Variants in AAMP observed in about 807,000 individuals in gnomAD.
AAMP encodes the protein angio-associated migratory cell protein.
Under a neutral mutation model 51.1 loss-of-function variants are expected in AAMP, and 12 were observed. The ratio of observed to expected loss-of-function variants is 0.23; its 90% CI spans 0.15 to 0.38. The LOEUF is 0.38. Among genes scored for constraint, AAMP ranks in the 10% least tolerant of loss-of-function variants. The pLI, the probability that AAMP is intolerant of heterozygous loss-of-function variation, is 1.00. For missense variants in AAMP, 418 were observed against 557.2 expected (o/e 0.75, Z 2.52); for synonymous variants, 210 against 218.7 (o/e 0.96, Z 0.35).
Position 218,266,758 on chromosome 2 carries a change from G to A in AAMP, c.534+89C>T, listed in dbSNP as rs918124524. ...GGGCGCATTGGCTCAGAGCTGGCTT[G>A]GCGCAATAAAGGCAGAACTGGCCTC... is the stretch of plus-strand genomic sequence containing the variant. On this transcript the variant is annotated intron_variant, in intron 4 of 10. Transcript: ENST00000248450. This position sits in a 1 kb window ranked among gnomAD's most constrained non-coding sequence, Gnocchi z 4.7. The A allele has an allele frequency of 5.7e-6, 9 of 1,585,136 alleles. No individual in the cohort carries two copies. Among genetic ancestry groups the A allele is most frequent in the Admixed American group, 1.7e-5 (1 of 58,594 alleles).
chr2:218,266,631 C>A lies in AAMP; in HGVS notation c.535-44G>T. The A allele has an allele frequency of 6.3e-7, 1 of 1,590,614 alleles. No individual in the cohort carries two copies. Among genetic ancestry groups the A allele is most frequent in the Middle Eastern group, 1.7e-4 (1 of 5,806 alleles). On this transcript the variant is annotated intron_variant, in intron 4 of 10. Coordinates refer to ENST00000248450, the MANE Select transcript of AAMP (RefSeq NM_001087.5). This position sits in a 1 kb window ranked among gnomAD's most constrained non-coding sequence, Gnocchi z 4.7. Reference sequence around the variant, plus strand: ...GCAGCAGGGAGGCCCGTCACCCCATCCCACCTAGAAGCCTGCCCCATGAGC... The same window carrying A: ...GCAGCAGGGAGGCCCGTCACCCCATACCACCTAGAAGCCTGCCCCATGAGC...
chr2:218,269,742 G>A, intron 1 of AAMP: 1 of 1,012,772 alleles, frequency 9.9e-7, no homozygotes, highest in East Asian at 2.6e-5. Flanking sequence ...CCAAGGGGAT[G>A]ATGGGAAGGG....
At position 218,264,211 on chromosome 2, in the gene AAMP, G is replaced by T; in HGVS notation, c.*322C>A. ...TTTCCACCCCCAGAGACTTGGGAAG[G>T]GAAAGAACGGGAACCTCAAACACCT... On this transcript the variant is annotated 3_prime_UTR_variant, in exon 11 of 11. Transcript: ENST00000248450. The T allele has an allele frequency of 2.5e-6, 1 of 392,604 alleles. No individual in the cohort carries two copies. Among genetic ancestry groups the T allele is most frequent in the Non-Finnish European group, 4.6e-6 (1 of 217,036 alleles). The allele number at this position is 392,604 out of a possible 1,614,324, so 24.3% of individuals were successfully genotyped here.
Position 218,265,361 on chromosome 2 carries a change from C to G in AAMP, c.1074+10G>C, listed in dbSNP as rs202084954. 2 of 1,552,774 alleles carry G rather than the reference C, an allele frequency of 1.3e-6. No homozygotes were observed. The highest frequency in any genetic ancestry group is 1.2e-5 in the South Asian group (1 of 84,762). ...CAGCCCACAGGGACCCCAGCTCCAG[C>G]TGCCCATACCTGGTGCTGACACTGA... is the stretch of plus-strand genomic sequence containing the variant. On this transcript the variant is annotated intron_variant, in intron 9 of 10. Transcript: ENST00000248450. This position sits in a 1 kb window ranked among gnomAD's most constrained non-coding sequence, Gnocchi z 6.6.
intron 2 of AAMP, among the ~76,000 whole-genome samples, chr2:218,268,888 G>A (rs1198590780): frequency 2.0e-5 from 3 of 151,806 alleles, no homozygotes; most frequent in Non-Finnish European, 4.4e-5. Context: ...TAGTAGAGAC[G>A]GGGTTTCACC....
chr2:218,269,820 G>A, intron 1 of AAMP, 146 bp downstream of exon 1: 1 of 1,318,270 alleles, frequency 7.6e-7, no homozygotes, highest in East Asian at 2.3e-5. Flanking sequence ...TGAGAACTAA[G>A]TGTGAGGGTG....
chr2:218,269,507 A>G lies in AAMP; in HGVS notation c.149T>C (p.Val50Ala). The change falls in exon 2 of 11, where the codon GTG becomes GCG. Residue 50 changes from valine (V) to alanine (A), a missense_variant. By Grantham distance (64) the Val-to-Ala change is moderately conservative. Transcript: ENST00000248450. Reference protein sequence around the residue: ...PDDLAQEMEDVDFEEEEEEEG... With the variant: ...PDDLAQEMEDADFEEEEEEEG... ...TTCCTCCTCTTCTTCCTCAAAGTCC[A>G]CATCTTCCATCTCCTGGGCCAGGTC... 6.2e-7 allele frequency: 1 copy of G among 1,613,944 alleles called. No homozygotes were observed. The highest frequency in any genetic ancestry group is 8.5e-7 in the Non-Finnish European group (1 of 1,179,982).
Position 218,264,590 on chromosome 2 carries a change from C to T in AAMP, c.1248G>A (p.Val416=). 6.2e-7 allele frequency: 1 copy of T among 1,614,106 alleles called. No homozygotes were observed. ...TCGCTTTGTGGTCTCCTGACGTGGT[C>T]ACCACCAGGGAGGCATCTCTGTAAA... The part of the protein sequence containing the change: ...FALSKDASLV[V]TTSGDHKAKV... The change falls in exon 11 of 11, where the codon GTG becomes GTA. Residue 416 remains valine, a synonymous_variant. Coordinates refer to ENST00000248450, the MANE Select transcript of AAMP (RefSeq NM_001087.5).
Position 218,267,486 on chromosome 2 carries a change from C to A in AAMP, c.394+8G>T. On this transcript the variant is annotated splice_region_variant and intron_variant, in intron 3 of 10. Transcript: ENST00000248450. This position sits in a 1 kb window ranked among gnomAD's most constrained non-coding sequence, Gnocchi z 4.6. ...ACCTCTCCCAGGCCTCTACCCCAGC[C>A]CCCTCACCTGCACACTCAAAGAGCA... The A allele has an allele frequency of 6.2e-7, 1 of 1,614,138 alleles. No homozygotes were observed. Among genetic ancestry groups the A allele is most frequent in the Non-Finnish European group, 8.5e-7 (1 of 1,180,012 alleles).
chr2:218,266,473 G>C lies in AAMP; in HGVS notation c.649C>G (p.Pro217Ala). ...DCKTFQGPNCPATCGRVLPDG... is the reference protein window; with the variant it reads ...DCKTFQGPNCAATCGRVLPDG... The stretch of plus-strand genomic sequence containing the variant: ...GGGAGGACTCGGCCACAGGTGGCTG[G>C]GCAGTTGGGACCCTGGAAGGTCTTG... Residue 217 changes from proline to alanine, a missense_variant, in exon 5 of 11, where the codon CCA (proline) becomes GCA (alanine). Transcript: ENST00000248450. This position sits in a 1 kb window ranked among gnomAD's most constrained non-coding sequence, Gnocchi z 4.7. 1 of 1,614,108 alleles carries C rather than the reference G, an allele frequency of 6.2e-7. No individual in the cohort carries two copies. The highest frequency in any genetic ancestry group is 2.2e-5 in the East Asian group (1 of 44,884).
Position 218,265,521 on chromosome 2 carries a change from C to T in AAMP, c.983+58G>A. 4 of 1,583,328 alleles carry T rather than the reference C, an allele frequency of 2.5e-6. No individual in the cohort carries two copies. Among genetic ancestry groups the T allele is most frequent in the Non-Finnish European group, 3.5e-6 (4 of 1,153,350 alleles). On this transcript the variant is annotated intron_variant, in intron 8 of 10. Coordinates refer to ENST00000248450, the MANE Select transcript of AAMP (RefSeq NM_001087.5). This position sits in a 1 kb window ranked among gnomAD's most constrained non-coding sequence, Gnocchi z 6.6. ...GGCCTGGACTCACACGCCCTGCCGT[C>T]CTCCCGGGCCCCCAGCCCAGGCCCC...
In AAMP at chr2:218,265,418, T is replaced by C. The variant is rs368532466; in HGVS notation, c.1027A>G (p.Ile343Val). 4.5e-6 allele frequency: 7 copies of C among 1,564,490 alleles called. No individual in the cohort carries two copies. Among genetic ancestry groups the C allele is most frequent in the Non-Finnish European group, 6.1e-6 (7 of 1,153,620 alleles). The change falls in exon 9 of 11, where the codon ATC becomes GTC. Residue 343 changes from isoleucine (I) to valine (V), a missense_variant. By Grantham distance (29) the Ile-to-Val change is conservative. Coordinates refer to ENST00000248450, the MANE Select transcript of AAMP (RefSeq NM_001087.5). This position sits in a 1 kb window ranked among gnomAD's most constrained non-coding sequence, Gnocchi z 6.6. Reference protein sequence around the residue: ...AVGYLDGTLAIYDLATQTLRH... With the variant: ...AVGYLDGTLAVYDLATQTLRH... ...AGAGTCTGCGTAGCCAGGTCATAGA[T>C]GGCCAAGGTCCCATCCAGGTAGCCA...
rs1387715263 is a variant in AAMP at position 218,266,821 on chromosome 2, G to C, written c.534+26C>G. Reference sequence around the variant, plus strand: ...CCCCAACAACCCAAGGCCCCACAGAGCTGACTCCCGCTCTGATGATCTTAC... The same window carrying C: ...CCCCAACAACCCAAGGCCCCACAGACCTGACTCCCGCTCTGATGATCTTAC... On this transcript the variant is annotated intron_variant, in intron 4 of 10. Transcript: ENST00000248450. This position sits in a 1 kb window ranked among gnomAD's most constrained non-coding sequence, Gnocchi z 4.7. 12 of 1,613,142 alleles carry C rather than the reference G, an allele frequency of 7.4e-6. No homozygotes were observed. The highest frequency in any genetic ancestry group is 9.3e-6 in the Non-Finnish European group (11 of 1,179,830).
At position 218,267,536 on chromosome 2, in the gene AAMP, C is replaced by A. The variant is rs750061853; in HGVS notation, c.352G>T (p.Val118Leu). 2.3e-5 allele frequency: 37 copies of A among 1,614,080 alleles called. No homozygotes were observed. The highest frequency in any genetic ancestry group is 1.6e-4 in the Middle Eastern group (1 of 6,084). The stretch of plus-strand genomic sequence containing the variant: ...AGCTCCCCATCGCTGAGCCGCCATA[C>A]GAAGGCTTTGTCATCTTCACCCCCG... The part of the protein sequence containing the change: ...VTGGEDDKAF[V>L]WRLSDGELLF... Residue 118 changes from valine (V) to leucine (L), a missense_variant, in exon 3 of 11, where the codon GTA becomes TTA. Val to Leu is a conservative substitution (Grantham distance 32). Transcript: ENST00000248450. The surrounding 1 kb of genome is among the most constrained non-coding windows in gnomAD (Gnocchi z 4.6).
chr2:218,268,091 CCT>C (rs1690678479), intron 2 of AAMP, among the ~76,000 whole-genome samples: 3 of 151,844 alleles, frequency 2.0e-5, no homozygotes, highest in African/African-American at 4.8e-5. Context: ...GCCTCAGCCC[CCT>C]GAGTAGCTGG....
rs1467188768 is a variant in AAMP, at chr2:218,265,530, C to T, written c.983+49G>A. The T allele has an allele frequency of 6.3e-7, 1 of 1,587,836 alleles. No individual in the cohort carries two copies. The highest frequency in any genetic ancestry group is 8.6e-7 in the Non-Finnish European group (1 of 1,156,900). ...TCACACGCCCTGCCGTCCTCCCGGG[C>T]CCCCAGCCCAGGCCCCTCCCACAAA... On this transcript the variant is annotated intron_variant, in intron 8 of 10. Transcript: ENST00000248450. The surrounding 1 kb of genome is among the most constrained non-coding windows in gnomAD (Gnocchi z 6.6).
rs1574608226 is a variant in AAMP at position 218,264,397 on chromosome 2, T to C, written c.*136A>G. Reference sequence around the variant, plus strand: ...GAGAAGAAAAGGAGAGGGGAGCAAGTCAGTTGAAGAGGCTGGAAAGTCATC... The same window carrying C: ...GAGAAGAAAAGGAGAGGGGAGCAAGCCAGTTGAAGAGGCTGGAAAGTCATC... On this transcript the variant is annotated 3_prime_UTR_variant, in exon 11 of 11. Transcript: ENST00000248450. 5 of 818,920 alleles carry C rather than the reference T, an allele frequency of 6.1e-6. No homozygotes were observed. The East Asian group carries it at 9.8e-5, about 16-fold the overall frequency. 50.7% of individuals were successfully genotyped at this position (818,920 alleles called of 1,614,324 possible).
Position 218,264,505 on chromosome 2 carries a change from C to T in AAMP, c.*28G>A. On this transcript the variant is annotated 3_prime_UTR_variant, in exon 11 of 11. Transcript: ENST00000248450. ...CAGGGGTCCCTTCGTCCCCTCAACA[C>T]CAGACACACAGGCAGGGGCTGCAGC... 1 of 1,610,076 alleles carries T rather than the reference C, an allele frequency of 6.2e-7. No homozygotes were observed. Among genetic ancestry groups the T allele is most frequent in the Non-Finnish European group, 8.5e-7 (1 of 1,176,294 alleles).
In AAMP at chr2:218,266,045, C is replaced by G. The variant is rs889295903; in HGVS notation, c.763+19G>C. 4.3e-6 allele frequency: 7 copies of G among 1,613,648 alleles called. No individual in the cohort carries two copies. The African/African-American group carries it at 9.3e-5, about 22-fold the overall frequency. On this transcript the variant is annotated intron_variant, in intron 6 of 10. Coordinates refer to ENST00000248450, the MANE Select transcript of AAMP (RefSeq NM_001087.5). The surrounding 1 kb of genome is among the most constrained non-coding windows in gnomAD (Gnocchi z 4.7). ...CTCCCTACAAAGGCCCAGGCTAACA[C>G]TTCCCCCACCTCTGATACCTTTCAG...
Sources: allele counts gnomAD v4.1 joint callset (sites outside exome capture counted in the v4.1 genomes callset), GRCh38; gene constraint gnomAD v4.1.1; non-coding constraint Gnocchi (gnomAD v3.1); transcripts MANE v1.5; gene names NCBI Gene and HGNC (gene_info 2026-07-23, HGNC 2026-07-21).